The following CTNND2 variants were observed in gnomAD, a reference collection of about 807,000 sequenced individuals.
CTNND2 encodes catenin delta-2.
Under a neutral mutation model 144.4 loss-of-function variants are expected in CTNND2, and 22 were observed. That is an observed-to-expected ratio of 0.15 (90% CI 0.11 to 0.22). CTNND2 has a LOEUF of 0.22. Ranked by LOEUF, CTNND2 falls within the 10% of genes least tolerant of loss-of-function variation. The probability of loss-of-function intolerance (pLI) is 1.00; values close to 1 mark genes in which losing one functional copy is unlikely to be tolerated. For synonymous variants in CTNND2, 751 were observed against 695.6 expected, an observed-to-expected ratio of 1.08 and a Z score of -1.25; for missense variants, 1,353 against 1,618.8, an observed-to-expected ratio of 0.84 and a Z score of 2.82.
intron 1 of CTNND2, among the ~76,000 whole-genome samples, chr5:11,838,921 T>C (rs529245154): frequency 2.1e-4 from 32 of 152,350 alleles, no homozygotes; most frequent in African/African-American, 7.0e-4. Flanking sequence ...AAGAAAATTA[T>C]TCTCTAACTC....
intron 3 of CTNND2, among the ~76,000 whole-genome samples, chr5:11,524,226 C>T (rs1773013741): frequency 1.3e-5 from 2 of 152,194 alleles, no homozygotes; most frequent in Non-Finnish European, 2.9e-5. Flanking sequence ...ACTCTTCAGC[C>T]TTTGCAGACA....
At chr5:11,557,870 T>C (rs554843640) in intron 3 of CTNND2, among the ~76,000 whole-genome samples, 2 of 152,292 alleles carry the variant, frequency 1.3e-5, no homozygotes, top group East Asian at 3.9e-4. Context: ...GAGGGAGTTA[T>C]TGAAGAGACA....
intron 1 of CTNND2, among the ~76,000 whole-genome samples, chr5:11,765,695 A>G (rs1349055555): frequency 1.3e-5 from 2 of 152,148 alleles, no homozygotes; most frequent in African/African-American, 4.8e-5. Context: ...AACAAGCTCA[A>G]ATGAGATGTA....
At chr5:11,791,154 T>C (rs1791115591) in intron 1 of CTNND2, among the ~76,000 whole-genome samples, 1 of 152,210 alleles carries the variant, frequency 6.6e-6, no homozygotes, top group African/African-American at 2.4e-5. Context: ...CCTCCAGAGA[T>C]GTCAGAGGGA....
chr5:11,879,354 T>TATATATATATATATATATATATATAC (rs1169270632), intron 1 of CTNND2, among the ~76,000 whole-genome samples: 78 of 139,756 alleles, frequency 5.6e-4, no homozygotes, highest in Non-Finnish European at 8.8e-4. Flanking sequence ...TATATATATA[T>TATATATATATATATATATATATATAC]ATACATATAC....
intron 2 of CTNND2, among the ~76,000 whole-genome samples, chr5:11,701,681 G>A (rs1785440018): frequency 7.4e-6 from 1 of 135,042 alleles, no homozygotes; most frequent in Non-Finnish European, 1.6e-5. Flanking sequence ...GAAAGAATGA[G>A]AAAGAAGTAT....
At chr5:11,234,298 T>G (rs1741376870) in intron 10 of CTNND2, among the ~76,000 whole-genome samples, 1 of 152,200 alleles carries the variant, frequency 6.6e-6, no homozygotes, top group Non-Finnish European at 1.5e-5. Flanking sequence ...ATAACTTTAG[T>G]GTCTTAACCG....
At chr5:11,365,144 C>A (rs1341293162) in intron 7 of CTNND2, among the ~76,000 whole-genome samples, 2 of 152,158 alleles carry the variant, frequency 1.3e-5, no homozygotes, top group African/African-American at 4.8e-5. Flanking sequence ...TGGAACAAGA[C>A]CAGTGAAATG....
In CTNND2 at chr5:10,972,920, G is replaced by A. The variant is rs755549017; in HGVS notation, c.*533C>T. 2.0e-5 allele frequency: 3 copies of A among 152,506 alleles called. No individual in the cohort carries two copies. The highest frequency in any genetic ancestry group is 6.6e-5 in the Admixed American group (1 of 15,264). The allele number at this position is 152,506 out of a possible 1,614,324, so 9.4% of individuals were successfully genotyped here. On this transcript the variant is annotated 3_prime_UTR_variant, in exon 22 of 22. Transcript: ENST00000304623. ...GGCATTGGTGTAATATACACAACGC[G>A]CTTTTCTTCTTTAATCTGTAATGTA...
chr5:11,842,983 G>A (rs1477418325), intron 1 of CTNND2, among the ~76,000 whole-genome samples: 1 of 152,078 alleles, frequency 6.6e-6, no homozygotes, highest in Admixed American at 6.6e-5. Flanking sequence ...TTGTATAGAA[G>A]AAACATTAAC....
chr5:11,809,623 A>G (rs998482273), intron 1 of CTNND2, among the ~76,000 whole-genome samples: 9 of 152,234 alleles, frequency 5.9e-5, no homozygotes, highest in African/African-American at 2.2e-4. Context: ...GGACTTCATC[A>G]TCATCGCCAA....
intron 3 of CTNND2, among the ~76,000 whole-genome samples, chr5:11,516,052 T>G (rs1462983949): frequency 6.6e-6 from 1 of 151,924 alleles, no homozygotes; most frequent in African/African-American, 2.4e-5. Context: ...GGCTGCAGTG[T>G]GCCATGAATG....
intron 9 of CTNND2, among the ~76,000 whole-genome samples, chr5:11,302,683 G>C (rs1206944991): frequency 6.6e-6 from 1 of 152,162 alleles, no homozygotes; most frequent in African/African-American, 2.4e-5. Flanking sequence ...ATGCTGAGGA[G>C]TCACAGGACA....
intron 3 of CTNND2, among the ~76,000 whole-genome samples, chr5:11,504,035 T>C (rs1050509543): frequency 6.6e-6 from 1 of 152,254 alleles, no homozygotes; most frequent in African/African-American, 2.4e-5. Flanking sequence ...TGAAAGATAA[T>C]TATCAACGTA....
At chr5:11,330,247 G>A (rs547801254) in intron 9 of CTNND2, among the ~76,000 whole-genome samples, 3 of 150,236 alleles carry the variant, frequency 2.0e-5, no homozygotes, top group African/African-American at 4.9e-5. Flanking sequence ...TGAGGCGGGC[G>A]GATCACGAGG....
intron 7 of CTNND2, among the ~76,000 whole-genome samples, chr5:11,369,637 G>A (rs1388861113): frequency 6.6e-6 from 1 of 152,222 alleles, no homozygotes; most frequent in Non-Finnish European, 1.5e-5. Context: ...AGTTGAGGAT[G>A]TCCTAGTGCT....
intron 3 of CTNND2, among the ~76,000 whole-genome samples, chr5:11,489,962 G>C (rs1313370311): frequency 6.6e-6 from 1 of 152,102 alleles, no homozygotes; most frequent in East Asian, 1.9e-4. Flanking sequence ...TCATATTCTA[G>C]AAAGAGCTTT....
In CTNND2 at chr5:11,453,523, A is replaced by C. The variant is rs184687272; in HGVS notation, c.288-41454T>G. 1.1e-4 allele frequency among the ~76,000 whole-genome samples: 17 copies of C among 152,310 alleles called. No individual in the cohort carries two copies. The East Asian group carries it at 3.3e-3, about 29-fold the overall frequency. On this transcript the variant is annotated intron_variant, in intron 3 of 21. Coordinates refer to ENST00000304623, the MANE Select transcript of CTNND2 (RefSeq NM_001332.4). Reference sequence around the variant, plus strand: ...TTCATTGCTTATTGTAAATCATAGGAGGTTTCAGCCGAAATATCAGGGACT... The same window carrying C: ...TTCATTGCTTATTGTAAATCATAGGCGGTTTCAGCCGAAATATCAGGGACT...
chr5:11,869,212 A>T (rs1411654095), intron 1 of CTNND2, among the ~76,000 whole-genome samples: 2 of 152,222 alleles, frequency 1.3e-5, no homozygotes, highest in Non-Finnish European at 2.9e-5. Flanking sequence ...ATGATGCACC[A>T]ACCCCACTCT....
Sources: allele counts gnomAD v4.1 joint callset (sites outside exome capture counted in the v4.1 genomes callset), GRCh38; gene constraint gnomAD v4.1.1; transcripts MANE v1.5; gene names NCBI Gene and HGNC (gene_info 2026-07-23, HGNC 2026-07-21).